LRP11: variants seen among roughly 807,000 people sequenced by gnomAD.
The protein encoded by LRP11 is LDL receptor related protein 11.
LRP11 carries 25 observed loss-of-function variants against 43.1 expected under a neutral mutation model. That is an observed-to-expected ratio of 0.58 (90% CI 0.42 to 0.81). The LOEUF (loss-of-function observed/expected upper bound fraction) is 0.81. Ranked by LOEUF, LRP11 falls within the 30% of genes least tolerant of loss-of-function variation. The probability of loss-of-function intolerance (pLI) is 0.00; values close to 1 mark genes in which losing one functional copy is unlikely to be tolerated. For synonymous variants in LRP11, 316 were observed against 299.4 expected (o/e 1.06, Z -0.57); for missense variants, 623 against 665.1 (o/e 0.94, Z 0.70).
intron 5 of LRP11, among the ~76,000 whole-genome samples, chr6:149,830,181 T>G (rs1776391321): frequency 6.6e-6 from 1 of 151,938 alleles, no homozygotes; most frequent in African/African-American, 2.4e-5. Flanking sequence ...TGGCTAATTT[T>G]TGTATTATTA....
intron 5 of LRP11, among the ~76,000 whole-genome samples, chr6:149,835,384 G>T (rs1405197109): frequency 6.6e-6 from 1 of 152,198 alleles, no homozygotes; most frequent in East Asian, 1.9e-4. Context: ...CAGATTGCTT[G>T]AGCCCAAGAG....
chr6:149,854,825 A>G (rs1030057232), intron 1 of LRP11, among the ~76,000 whole-genome samples: 1 of 152,128 alleles, frequency 6.6e-6, no homozygotes, highest in Non-Finnish European at 1.5e-5. Flanking sequence ...TGCTACCTAC[A>G]CAAACTTCTA....
At chr6:149,849,987 G>A (rs1776695193) in intron 2 of LRP11, among the ~76,000 whole-genome samples, 1 of 152,136 alleles carries the variant, frequency 6.6e-6, no homozygotes, top group South Asian at 2.1e-4. Context: ...TACTCTGCCT[G>A]AGAACAGACA....
intron 5 of LRP11, among the ~76,000 whole-genome samples, chr6:149,833,203 CT>C (rs1472878299): frequency 3.3e-5 from 5 of 152,186 alleles, no homozygotes; most frequent in Non-Finnish European, 4.4e-5. Flanking sequence ...TCCCAAAGTG[CT>C]GAGATTACAG....
At chr6:149,841,204 C>G (rs777254217) in intron 3 of LRP11, among the ~76,000 whole-genome samples, 9 of 152,158 alleles carry the variant, frequency 5.9e-5, no homozygotes, top group Non-Finnish European at 1.0e-4. Flanking sequence ...GCATACTAAC[C>G]TCAGTTTTTG....
At chr6:149,861,203 A>T (rs1776887575) in intron 1 of LRP11, among the ~76,000 whole-genome samples, 1 of 152,120 alleles carries the variant, frequency 6.6e-6, no homozygotes, top group African/African-American at 2.4e-5. Flanking sequence ...AGCATAAACA[A>T]CTTCAACCTG....
chr6:149,861,269 C>T lies in LRP11; in HGVS notation c.613+2139G>A, dbSNP rs565407214. On this transcript the variant is annotated intron_variant, in intron 1 of 6. Transcript: ENST00000239367. ...ACTGGGGAACAATTTTTGACCTCCA[C>T]GCAGAGAGAACAAATGAGCCTCTAC... Among the ~76,000 whole-genome samples, 4 of 152,308 alleles carry T rather than the reference C, an allele frequency of 2.6e-5. No individual in the cohort carries two copies. The South Asian group carries it at 8.3e-4, about 32-fold the overall frequency.
In LRP11 at chr6:149,820,638, G is replaced by A. The variant is rs751287514; in HGVS notation, c.1414C>T (p.Arg472Ter). The A allele has an allele frequency of 1.9e-5, 15 of 780,760 alleles. No homozygotes were observed. The highest frequency in any genetic ancestry group is 1.6e-4 in the South Asian group (12 of 74,624). 48.4% of individuals were successfully genotyped at this position (780,760 alleles called of 1,614,324 possible). ...TALLLLMVAC[R>*]LRLVKQKLKK... The stretch of plus-strand genomic sequence containing the variant: ...AGTTTCTGTTTCACCAGTCGTAGTC[G>A]GCATGCAACCATGAGAAGCAGCAGA... Residue 472 changes from arginine to a stop codon, truncating the protein, a stop_gained, in exon 7 of 7, where the codon CGA becomes TGA. Coordinates refer to ENST00000239367, the MANE Select transcript of LRP11 (RefSeq NM_032832.6). LOFTEE classifies it high-confidence loss of function.
chr6:149,853,138 G>A lies in LRP11; in HGVS notation c.636C>T (p.Ser212=), dbSNP rs1776747861. 6.3e-7 allele frequency: 1 copy of A among 1,594,170 alleles called. No individual in the cohort carries two copies. The highest frequency in any genetic ancestry group is 8.5e-7 in the Non-Finnish European group (1 of 1,172,590). ...GCAGAACCACATCCTGCCCAGCCTTGCTAAGTGGAGGCGCATCCTTTTCTG... is the reference window on the plus strand; with the variant it reads ...GCAGAACCACATCCTGCCCAGCCTTACTAAGTGGAGGCGCATCCTTTTCTG... The part of the protein sequence containing the change: ...PRQEKDAPPL[S]KAGQDVVLHL... Residue 212 remains serine, a synonymous_variant, in exon 2 of 7, where the codon AGC becomes AGT. Transcript: ENST00000239367.
intron 1 of LRP11, among the ~76,000 whole-genome samples, chr6:149,856,644 G>C (rs1776803123): frequency 6.6e-6 from 1 of 152,142 alleles, no homozygotes; most frequent in Non-Finnish European, 1.5e-5. Context: ...GGTTTCTTTT[G>C]AAAACTAAAC....
At chr6:149,839,693 C>T (rs1393494046) in intron 3 of LRP11, among the ~76,000 whole-genome samples, 5 of 152,030 alleles carry the variant, frequency 3.3e-5, no homozygotes, top group South Asian at 2.1e-4. Flanking sequence ...CTCGCTGTGT[C>T]GCCCAGGCTG....
rs529263174 is a variant in LRP11, at chr6:149,859,420, G to A, written c.613+3988C>T. On this transcript the variant is annotated intron_variant, in intron 1 of 6. Transcript: ENST00000239367. Reference sequence around the variant, plus strand: ...TATTTTTTTTTTTTTTTTTTTGACCGAGTCTTGCTCTGTCGCCCAGGCTGG... The same window carrying A: ...TATTTTTTTTTTTTTTTTTTTGACCAAGTCTTGCTCTGTCGCCCAGGCTGG... 1.0e-3 allele frequency among the ~76,000 whole-genome samples: 60 copies of A among 57,878 alleles called. No homozygotes were observed. The South Asian group carries it at 0.023, about 22-fold the overall frequency. The allele number at this position is 57,878 out of a possible 152,430, so 38.0% of individuals were successfully genotyped here.
At chr6:149,855,998 T>C (rs1583096469) in intron 1 of LRP11, among the ~76,000 whole-genome samples, 1 of 152,346 alleles carries the variant, frequency 6.6e-6, no homozygotes, top group Non-Finnish European at 1.5e-5. Flanking sequence ...AGTGTTGACC[T>C]TTTCTTTGGT....
chr6:149,854,906 C>T lies in LRP11; in HGVS notation c.614-1746G>A, dbSNP rs150545238. 5.0e-4 allele frequency among the ~76,000 whole-genome samples: 76 copies of T among 152,304 alleles called. No homozygotes were observed. In the East Asian group the frequency reaches 0.013, roughly 25 times the overall value. On this transcript the variant is annotated intron_variant, in intron 1 of 6. Transcript: ENST00000239367. ...GCAATCCCACCTCAGTGTCTCATTA[C>T]GGAACAAAAGGTGACCACTCTTGAT...
intron 2 of LRP11, among the ~76,000 whole-genome samples, chr6:149,852,735 C>T (rs59035385): frequency 0.045 from 6,927 of 152,302 alleles, 358 homozygotes; most frequent in South Asian, 0.12. Context: ...GAGCCTTCTT[C>T]CTTGAAGTGT....
At chr6:149,835,477 C>T (rs1776459303) in intron 5 of LRP11, among the ~76,000 whole-genome samples, 1 of 113,908 alleles carries the variant, frequency 8.8e-6, no homozygotes, top group South Asian at 2.5e-4. Flanking sequence ...GTCCCAGCTA[C>T]TACGCCTATA....
At chr6:149,832,836 T>C (rs760361726) in intron 5 of LRP11, among the ~76,000 whole-genome samples, 1 of 150,830 alleles carries the variant, frequency 6.6e-6, no homozygotes, top group Non-Finnish European at 1.5e-5. Flanking sequence ...TGAGACGGAG[T>C]CTTGCTCTGT....
intron 1 of LRP11, among the ~76,000 whole-genome samples, chr6:149,858,987 G>GTA (rs967200982): frequency 3.3e-5 from 5 of 152,166 alleles, no homozygotes; most frequent in African/African-American, 1.2e-4. Flanking sequence ...AGCTAGAAGT[G>GTA]TATATAAAGT....
chr6:149,860,527 C>T (rs887528197), intron 1 of LRP11, among the ~76,000 whole-genome samples: 1 of 152,014 alleles, frequency 6.6e-6, no homozygotes, highest in Non-Finnish European at 1.5e-5. Flanking sequence ...GTGCCACCTT[C>T]CTAACTCACA....
Sources: gnomAD v4.1 joint callset for allele counts (sites outside exome capture counted in the v4.1 genomes callset) on GRCh38, gnomAD v4.1.1 for gene constraint, MANE v1.5 for transcripts, NCBI Gene and HGNC (gene_info 2026-07-23, HGNC 2026-07-21) for gene names.